Variants in SEMA6D observed in about 807,000 individuals in gnomAD.
The protein encoded by SEMA6D is semaphorin 6D.
Under a neutral mutation model 106.6 loss-of-function variants are expected in SEMA6D, and 35 were observed. That is an observed-to-expected ratio of 0.33 (90% CI 0.25 to 0.44). SEMA6D has a LOEUF of 0.44. Ranked by LOEUF, SEMA6D falls within the 20% of genes least tolerant of loss-of-function variation. SEMA6D has a pLI of 1.00. For missense variants in SEMA6D, 1,185 were observed against 1,345.9 expected, an observed-to-expected ratio of 0.88 and a Z score of 1.87; for synonymous variants, 499 against 487.7, an observed-to-expected ratio of 1.02 and a Z score of -0.31.
intron 1 of SEMA6D, among the ~76,000 whole-genome samples, chr15:47,740,120 G>A (rs1453455663): frequency 2.6e-5 from 4 of 152,196 alleles, no homozygotes; most frequent in Non-Finnish European, 5.9e-5. Flanking sequence ...GTGGTGAGAG[G>A]ATGGCCATCA....
At chr15:47,490,136 T>A (rs1413526240) in intron 3 of SEMA6D, among the ~76,000 whole-genome samples, 1 of 152,200 alleles carries the variant, frequency 6.6e-6, no homozygotes, top group African/African-American at 2.4e-5. Flanking sequence ...TTGTAATCAC[T>A]TACCTGTTTG....
Position 47,223,470 on chromosome 15 carries a change from T to A in SEMA6D, c.-239+39052T>A, listed in dbSNP as rs966178400. ...ATGTTTTCTCCCTTTGATTTTTATT[T>A]TTTGTCGCCTGTGGCAGTACTTTTT... On this transcript the variant is annotated intron_variant, in intron 1 of 19. Transcript: ENST00000558014. Among the ~76,000 whole-genome samples the A allele has an allele frequency of 2.4e-4, 37 of 152,202 alleles. No homozygotes were observed. The South Asian group carries it at 3.1e-3, about 13-fold the overall frequency.
At chr15:47,230,180 C>T (rs2032091266) in intron 1 of SEMA6D, among the ~76,000 whole-genome samples, 1 of 152,058 alleles carries the variant, frequency 6.6e-6, no homozygotes, top group Admixed American at 6.6e-5. Flanking sequence ...ACCTATAAAG[C>T]ATAGGTCTGC....
chr15:47,720,388 C>T (rs909368788), intron 1 of SEMA6D, among the ~76,000 whole-genome samples: 16 of 150,804 alleles, frequency 1.1e-4, no homozygotes, highest in African/African-American at 3.7e-4. Context: ...GGCATTTTGC[C>T]GTCTTCCTCT....
chr15:47,352,422 C>T (rs1306553231), intron 1 of SEMA6D, among the ~76,000 whole-genome samples: 1 of 152,084 alleles, frequency 6.6e-6, no homozygotes, highest in Non-Finnish European at 1.5e-5. Context: ...CTTGGAAACT[C>T]AAGAGAGTAG....
intron 1 of SEMA6D, among the ~76,000 whole-genome samples, chr15:47,216,592 A>C (rs1202688541): frequency 7.2e-5 from 11 of 152,180 alleles, no homozygotes; most frequent in Non-Finnish European, 1.5e-4. Context: ...TCTTAAGAAA[A>C]TAATATGCAA....
intron 3 of SEMA6D, among the ~76,000 whole-genome samples, chr15:47,536,318 T>G (rs1354725582): frequency 6.6e-6 from 1 of 152,154 alleles, no homozygotes; most frequent in Non-Finnish European, 1.5e-5. Flanking sequence ...AATAAGGTAT[T>G]GTCTTCAACT....
intron 3 of SEMA6D, among the ~76,000 whole-genome samples, chr15:47,487,301 T>G (rs992251957): frequency 3.9e-5 from 6 of 152,306 alleles, no homozygotes; most frequent in Admixed American, 3.3e-4. Flanking sequence ...AAATGCTAAT[T>G]GCTAATCAAG....
At chr15:47,315,010 C>T (rs899258569) in intron 1 of SEMA6D, among the ~76,000 whole-genome samples, 4 of 151,068 alleles carry the variant, frequency 2.6e-5, no homozygotes, top group African/African-American at 7.3e-5. Flanking sequence ...GGACTACAGG[C>T]GCCCGCCATC....
intron 1 of SEMA6D, among the ~76,000 whole-genome samples, chr15:47,376,981 G>A (rs988034525): frequency 6.6e-5 from 10 of 152,138 alleles, no homozygotes; most frequent in African/African-American, 2.4e-4. Flanking sequence ...TTAATGATCA[G>A]TGGCCCCATA....
At chr15:47,333,695 A>G (rs2037436076) in intron 1 of SEMA6D, among the ~76,000 whole-genome samples, 1 of 152,192 alleles carries the variant, frequency 6.6e-6, no homozygotes, top group Non-Finnish European at 1.5e-5. Flanking sequence ...AGGAAACAAA[A>G]CAGACAAAAC....
intron 4 of SEMA6D, among the ~76,000 whole-genome samples, chr15:47,664,130 A>G (rs890047144): frequency 2.6e-5 from 4 of 152,226 alleles, no homozygotes; most frequent in African/African-American, 7.2e-5. Context: ...CCATGGTATT[A>G]TATCTACTGC....
chr15:47,672,099 C>T (rs2078148622), intron 4 of SEMA6D, among the ~76,000 whole-genome samples: 1 of 151,984 alleles, frequency 6.6e-6, no homozygotes, highest in East Asian at 1.9e-4. Flanking sequence ...CTTATAATAT[C>T]CCTTTGTGAT....
At chr15:47,638,019 C>G (rs1027147185) in intron 4 of SEMA6D, among the ~76,000 whole-genome samples, 8 of 152,044 alleles carry the variant, frequency 5.3e-5, no homozygotes, top group Non-Finnish European at 1.2e-4. Flanking sequence ...GCAGATTTGA[C>G]CAAAAACATG....
At chr15:47,322,536 G>T (rs927974205) in intron 1 of SEMA6D, among the ~76,000 whole-genome samples, 2 of 152,086 alleles carry the variant, frequency 1.3e-5, no homozygotes, top group African/African-American at 4.8e-5. Context: ...AAGTAATGTT[G>T]CAGTCTTCTC....
chr15:47,347,921 T>G (rs1302245639), intron 1 of SEMA6D, among the ~76,000 whole-genome samples: 1 of 152,184 alleles, frequency 6.6e-6, no homozygotes, highest in Non-Finnish European at 1.5e-5. Flanking sequence ...GGTCATTATT[T>G]GGGACAGGAG....
At chr15:47,221,103 T>G (rs996921439) in intron 1 of SEMA6D, among the ~76,000 whole-genome samples, 1 of 152,314 alleles carries the variant, frequency 6.6e-6, no homozygotes, top group African/African-American at 2.4e-5. Flanking sequence ...ATCTAACCCC[T>G]GTGGAACACA....
At chr15:47,428,550 G>C (rs1160441032) in intron 2 of SEMA6D, among the ~76,000 whole-genome samples, 2 of 34,760 alleles carry the variant, frequency 5.8e-5, no homozygotes, top group African/African-American at 1.8e-4. Context: ...AAGGTAGGTG[G>C]ATTGCTTGAG....
intron 2 of SEMA6D, among the ~76,000 whole-genome samples, chr15:47,468,157 A>C (rs1445674378): frequency 6.6e-6 from 1 of 151,892 alleles, no homozygotes; most frequent in Non-Finnish European, 1.5e-5. Flanking sequence ...ATTTAAATAT[A>C]TGTTACTGTG....
Sources: allele counts gnomAD v4.1 joint callset (sites outside exome capture counted in the v4.1 genomes callset), GRCh38; gene constraint gnomAD v4.1.1; transcripts MANE v1.5; gene names NCBI Gene and HGNC (gene_info 2026-07-23, HGNC 2026-07-21).